The following USP9X variants were observed in gnomAD, a reference collection of about 807,000 sequenced individuals.
USP9X encodes the protein ubiquitin carboxyl-terminal hydrolase 9X.
USP9X carries 7 observed loss-of-function variants against 190.3 expected under a neutral mutation model. The ratio of observed to expected loss-of-function variants is 0.04; its 90% CI spans 0.02 to 0.07. USP9X has a LOEUF of 0.07. USP9X is among the 10% of genes least tolerant of loss of function. USP9X has a pLI of 1.00. For synonymous variants in USP9X, 645 were observed against 659.5 expected (o/e 0.98, Z 0.34); for missense variants, 1,010 against 1,916.9 (o/e 0.53, Z 8.83).
intron 1 of USP9X, among the ~76,000 whole-genome samples, chrX:41,104,519 G>A (rs1000456974): frequency 1.8e-5 from 2 of 112,249 alleles, no homozygotes; most frequent in East Asian, 5.5e-4. Flanking sequence ...AGCAATTGTG[G>A]TGTGTATACC....
chrX:41,108,261 T>C (rs2062084184), intron 1 of USP9X, among the ~76,000 whole-genome samples: 1 of 111,936 alleles, frequency 8.9e-6, no homozygotes, highest in Admixed American at 9.5e-5. Flanking sequence ...TGTGAGTTTC[T>C]GTGATCTCTC....
intron 1 of USP9X, among the ~76,000 whole-genome samples, chrX:41,119,446 G>A (rs1463813231): frequency 9.0e-6 from 1 of 111,510 alleles, no homozygotes; most frequent in Non-Finnish European, 1.9e-5. Context: ...TGGGAAAAGG[G>A]AAGGGCAGAC....
intron 21 of USP9X, among the ~76,000 whole-genome samples, chrX:41,179,262 A>G (rs1449122635): frequency 2.7e-5 from 3 of 111,596 alleles, no homozygotes; most frequent in Non-Finnish European, 5.7e-5. Context: ...TTGCAGATTC[A>G]CCTCAAAGGA....
chrX:41,151,138 A>T, intron 13 of USP9X, 81 bp downstream of exon 13: 1 of 1,011,922 alleles, frequency 9.9e-7, no homozygotes, highest in South Asian at 2.6e-5. Flanking sequence ...TGGCTGGCAA[A>T]TGCAAATTTT....
In USP9X at chrX:41,137,114, GAAAT is replaced by G. The variant is rs2062381401; in HGVS notation, c.654+95_654+98del. 5 of 829,385 alleles carry G rather than the reference GAAAT, an allele frequency of 6.0e-6. No individual in the cohort carries two copies. The East Asian group carries it at 1.7e-4, about 28-fold the overall frequency. The allele number at this position is 829,385 out of a possible 1,213,427, so 68.4% of individuals were successfully genotyped here. On this transcript the variant is annotated intron_variant, in intron 6 of 44. Coordinates refer to ENST00000378308, the MANE Select transcript of USP9X (RefSeq NM_001039591.3). ...TGATCTGTATTTAAAGTGTGACAATGAAATAACACTTTAAATGAAAATACACACA... is the reference window on the plus strand; with the variant it reads ...TGATCTGTATTTAAAGTGTGACAATGAACACTTTAAATGAAAATACACACA...
At chrX:41,157,094 G>A (rs898719412) in intron 14 of USP9X, among the ~76,000 whole-genome samples, 17 of 111,973 alleles carry the variant, frequency 1.5e-4, no homozygotes, top group African/African-American at 5.2e-4. Context: ...CAATCCGTCA[G>A]CAAAGGGTGA....
intron 14 of USP9X, among the ~76,000 whole-genome samples, chrX:41,162,031 A>G (rs1049085676): frequency 9.0e-6 from 1 of 111,525 alleles, no homozygotes; most frequent in Non-Finnish European, 1.9e-5. Context: ...TGGTCGTAAT[A>G]TATGGGGCTT....
chrX:41,092,863 C>T (rs112329958), intron 1 of USP9X, among the ~76,000 whole-genome samples: 14,657 of 110,091 alleles, frequency 0.13, 893 homozygotes, highest in East Asian at 0.21. Flanking sequence ...TTGCCAGCCC[C>T]TAGTTAAGAG....
intron 33 of USP9X, among the ~76,000 whole-genome samples, chrX:41,213,846 T>TA (rs2063187947): frequency 3.6e-5 from 4 of 112,456 alleles, no homozygotes; most frequent in African/African-American, 9.7e-5. Flanking sequence ...TTCCGGAGTT[T>TA]AAAATTCCTT....
At chrX:41,125,714 T>G (rs1291947360) in intron 2 of USP9X, among the ~76,000 whole-genome samples, 2 of 103,014 alleles carry the variant, frequency 1.9e-5, no homozygotes, top group African/African-American at 3.7e-5. Flanking sequence ...TCTCTCTCTC[T>G]CTCTCGCGCA....
At chrX:41,130,106 C>G (rs2062295415) in intron 3 of USP9X, among the ~76,000 whole-genome samples, 2 of 111,627 alleles carry the variant, frequency 1.8e-5, no homozygotes, top group African/African-American at 6.5e-5. Context: ...TGTTTACTAT[C>G]ATATATGAAT....
In USP9X at chrX:41,197,355, CTTTG is replaced by C; in HGVS notation, c.4234-8_4234-5del. Reference sequence around the variant, plus strand: ...TTCCCCCCCCCACCCCACCCCCCGCCTTTGGCAGGATGATGTTAAAAGAACAGGA... The same window carrying C: ...TTCCCCCCCCCACCCCACCCCCCGCCGCAGGATGATGTTAAAAGAACAGGA... On this transcript the variant is annotated splice_polypyrimidine_tract_variant and splice_region_variant and intron_variant, in intron 28 of 44. Coordinates refer to ENST00000378308, the MANE Select transcript of USP9X (RefSeq NM_001039591.3). 8 of 981,451 alleles carry C rather than the reference CTTTG, an allele frequency of 8.2e-6. No homozygotes were observed. Among genetic ancestry groups the C allele is most frequent in the Non-Finnish European group, 1.1e-5 (8 of 757,181 alleles). 80.9% of individuals were successfully genotyped at this position (981,451 alleles called of 1,213,427 possible). A position where few individuals can be genotyped will look rare whatever the true frequency, so the allele number is the denominator to read the frequency against.
At chrX:41,108,777 T>C (rs927860384) in intron 1 of USP9X, among the ~76,000 whole-genome samples, 10 of 111,612 alleles carry the variant, frequency 9.0e-5, no homozygotes, top group Non-Finnish European at 1.7e-4. Flanking sequence ...AGCAGGGTGA[T>C]TGGCTTTGCC....
At chrX:41,207,229 C>G (rs1336090759) in intron 32 of USP9X, among the ~76,000 whole-genome samples, 1 of 107,886 alleles carries the variant, frequency 9.3e-6, no homozygotes, top group African/African-American at 3.4e-5. Flanking sequence ...GCTAGGACGA[C>G]AGGCCCACCA....
At chrX:41,095,320 A>G (rs1416471755) in intron 1 of USP9X, among the ~76,000 whole-genome samples, 1 of 111,846 alleles carries the variant, frequency 8.9e-6, no homozygotes, top group Non-Finnish European at 1.9e-5. Flanking sequence ...CCTATTAATT[A>G]GAGCAGGGAC....
intron 1 of USP9X, among the ~76,000 whole-genome samples, chrX:41,086,410 T>A (rs1177490350): frequency 9.0e-6 from 1 of 110,897 alleles, no homozygotes; most frequent in African/African-American, 3.3e-5. Context: ...TGGGGCCGAG[T>A]AGGAGGATGG....
chrX:41,126,635 C>T (rs1882625707), intron 2 of USP9X, among the ~76,000 whole-genome samples: 1 of 111,508 alleles, frequency 9.0e-6, no homozygotes, highest in African/African-American at 3.3e-5. Flanking sequence ...TCTTTTTCTT[C>T]TAAAAACTTT....
At chrX:41,199,381 CGTAGA>C (rs1314222692) in intron 30 of USP9X, among the ~76,000 whole-genome samples, 2 of 111,186 alleles carry the variant, frequency 1.8e-5, no homozygotes, top group Non-Finnish European at 3.8e-5. Flanking sequence ...AAGTAAATGC[CGTAGA>C]GTATAGACGT....
chrX:41,112,418 T>A lies in USP9X; in HGVS notation c.-158-11053T>A, dbSNP rs191866965. Reference sequence around the variant, plus strand: ...AGTCTTAACGGAAATTATTGTGATCTTGTATAAGCTCAGTGTACTTAATCT... The same window carrying A: ...AGTCTTAACGGAAATTATTGTGATCATGTATAAGCTCAGTGTACTTAATCT... On this transcript the variant is annotated intron_variant, in intron 1 of 44. Coordinates refer to ENST00000378308, the MANE Select transcript of USP9X (RefSeq NM_001039591.3). 6.4e-4 allele frequency among the ~76,000 whole-genome samples: 72 copies of A among 112,431 alleles called. 1 individual carries two copies. The highest frequency in any genetic ancestry group is 1.1e-3 in the Admixed American group (12 of 10,586).
Sources: allele counts gnomAD v4.1 joint callset (sites outside exome capture counted in the v4.1 genomes callset), GRCh38; gene constraint gnomAD v4.1.1; transcripts MANE v1.5; gene names NCBI Gene and HGNC (gene_info 2026-07-23, HGNC 2026-07-21).